Variants in ADGRE3 observed in about 807,000 individuals in gnomAD.
ADGRE3 encodes the protein EGF-like module receptor 3.
ADGRE3 carries 88 observed loss-of-function variants against 80.1 expected under a neutral mutation model. The observed-to-expected ratio is 1.10, with a 90% CI of 0.93 to 1.31. The LOEUF (loss-of-function observed/expected upper bound fraction) is 1.31. Ranked by LOEUF, ADGRE3 falls within the 40% of genes most tolerant of loss-of-function variation. ADGRE3 has a pLI of 0.00. For missense variants in ADGRE3, 715 were observed against 776.5 expected (o/e 0.92, Z 0.94); for synonymous variants, 281 against 294.8 (o/e 0.95, Z 0.48).
downstream of ADGRE3, among the ~76,000 whole-genome samples, chr19:14,616,854 G>A (rs918928755): frequency 2.0e-5 from 3 of 150,752 alleles, no homozygotes; most frequent in Admixed American, 6.6e-5. Context: ...GAGTGCAGTG[G>A]CGCAATCTCG....
In ADGRE3 at chr19:14,636,133, T is replaced by TTCCTTCCTTC. The variant is rs1555755829; in HGVS notation, c.1484+1971_1484+1972insGAAGGAAGGA. On this transcript the variant is annotated intron_variant, in intron 11 of 15. Transcript: ENST00000253673. ...TTCTTTCTTTCTTTCTTTCTTTCTTTCTTTCTTTCTTTCTTTCTTCCTTTC... is the reference window on the plus strand; with the variant it reads ...TTCTTTCTTTCTTTCTTTCTTTCTTTTCCTTCCTTCCTTTCTTTCTTTCTTTCTTCCTTTC... 1.5e-3 allele frequency among the ~76,000 whole-genome samples: 55 copies of TTCCTTCCTTC among 37,810 alleles called. 6 individuals carry two copies. The highest frequency in any genetic ancestry group is 0.012 in the South Asian group (5 of 434). The allele number at this position is 37,810 out of a possible 152,430, so 24.8% of individuals were successfully genotyped here.
intron 10 of ADGRE3, 47 bp downstream of exon 10, chr19:14,641,372 A>T: frequency 2.5e-6 from 4 of 1,607,804 alleles, no homozygotes; most frequent in Non-Finnish European, 3.4e-6. Flanking sequence ...CCATGAGCTC[A>T]GTGTACCTTG....
At chr19:14,617,374 C>CTTTTT (rs755354639), downstream of ADGRE3, among the ~76,000 whole-genome samples, 1 of 95,656 alleles carries the variant, frequency 1.0e-5, no homozygotes, top group Non-Finnish European at 2.0e-5. Flanking sequence ...TTCTTTCTTT[C>CTTTTT]TTCCTTTCTT....
chr19:14,651,228 G>C (rs746769860), intron 6 of ADGRE3, 24 bp from the exon 7 acceptor site: 3 of 1,613,690 alleles, frequency 1.9e-6, no homozygotes, highest in South Asian at 2.2e-5. Flanking sequence ...CAATGGGCAG[G>C]CTTAGTGATA....
chr19:14,654,370 C>A (rs950067788), intron 6 of ADGRE3, among the ~76,000 whole-genome samples: 87 of 151,782 alleles, frequency 5.7e-4, no homozygotes, highest in African/African-American at 2.0e-3. Context: ...CTCAAGCCAT[C>A]CTCTCCCTCA....
chr19:14,624,036 C>T (rs910290331), intron 15 of ADGRE3, among the ~76,000 whole-genome samples: 3 of 151,844 alleles, frequency 2.0e-5, no homozygotes, highest in Admixed American at 6.6e-5. Flanking sequence ...TGGGCTCAAG[C>T]GATCCTCCCA....
chr19:14,666,525 C>T (rs1162368974), intron 2 of ADGRE3, among the ~76,000 whole-genome samples: 10 of 152,036 alleles, frequency 6.6e-5, no homozygotes, highest in Non-Finnish European at 1.2e-4. Flanking sequence ...TACAGATGCA[C>T]ACCATCACAC....
intron 1 of ADGRE3, among the ~76,000 whole-genome samples, chr19:14,670,120 T>C (rs1972213037): frequency 6.6e-6 from 1 of 152,208 alleles, no homozygotes; most frequent in Non-Finnish European, 1.5e-5. Flanking sequence ...GTCAAGAATC[T>C]GGGAAGGGCT....
intron 15 of ADGRE3, among the ~76,000 whole-genome samples, chr19:14,623,285 TAA>T (rs200178108): frequency 0.21 from 9,863 of 47,334 alleles, 3,418 homozygotes; most frequent in Non-Finnish European, 0.29. Context: ...CTAAAATACT[TAA>T]AAAAAAAAAA....
At chr19:14,673,418 G>A (rs548942607) in intron 1 of ADGRE3, among the ~76,000 whole-genome samples, 34 of 152,302 alleles carry the variant, frequency 2.2e-4, no homozygotes, top group Admixed American at 7.8e-4. Context: ...AAAGATGGAT[G>A]GGATTTCATC....
At chr19:14,620,267 G>C (rs543349688) in intron 15 of ADGRE3, among the ~76,000 whole-genome samples, 1 of 151,588 alleles carries the variant, frequency 6.6e-6, no homozygotes, top group African/African-American at 2.4e-5. Flanking sequence ...GCCCAGGCAG[G>C]TCTCAAACTC....
intron 5 of ADGRE3, among the ~76,000 whole-genome samples, chr19:14,657,476 C>T (rs993677573): frequency 6.6e-5 from 10 of 152,070 alleles, no homozygotes; most frequent in Admixed American, 1.3e-4. Flanking sequence ...AACACACACA[C>T]GCTCATACAC....
chr19:14,604,183 C>T, the ADGRE3 span, among the ~76,000 whole-genome samples: 2 of 152,172 alleles, frequency 1.3e-5, no homozygotes, highest in African/African-American at 4.8e-5. Context: ...TGACACCTCC[C>T]TGGGGCTTTA....
the ADGRE3 span, among the ~76,000 whole-genome samples, chr19:14,601,785 AATTATT>A: frequency 2.0e-5 from 3 of 151,558 alleles, no homozygotes; most frequent in Non-Finnish European, 2.9e-5. Flanking sequence ...GTACCCAGCA[AATTATT>A]ATTATTATTA....
chr19:14,660,193 A>T (rs558860092), intron 4 of ADGRE3, among the ~76,000 whole-genome samples: 24 of 152,306 alleles, frequency 1.6e-4, no homozygotes, highest in Non-Finnish European at 2.1e-4. Flanking sequence ...GACGGTGCAG[A>T]CCTCTTAACA....
At chr19:14,654,181 G>A (rs1599640066) in intron 6 of ADGRE3, among the ~76,000 whole-genome samples, 1 of 151,474 alleles carries the variant, frequency 6.6e-6, no homozygotes, top group East Asian at 1.9e-4. Context: ...TCAAACTACT[G>A]GCCTCAAGTG....
intron 4 of ADGRE3, among the ~76,000 whole-genome samples, chr19:14,659,134 C>G (rs1971865076): frequency 6.6e-6 from 1 of 151,426 alleles, no homozygotes; most frequent in Admixed American, 6.6e-5. Context: ...GTCCTGGGCT[C>G]AAGCAATCCT....
chr19:14,622,173 T>TA lies in ADGRE3; in HGVS notation c.1921-2703dup, dbSNP rs1485698028. ...CCTTGAAACTTCGGATCTGTACACT[T>TA]ACAGACACCACACTCGCAGATGCCC... is the stretch of plus-strand genomic sequence containing the variant. On this transcript the variant is annotated intron_variant, in intron 15 of 15. Transcript: ENST00000253673. 1.9e-6 allele frequency: 2 copies of TA among 1,030,400 alleles called. 1 individual carries two copies. Among genetic ancestry groups the TA allele is most frequent in the African/African-American group, 4.4e-5 (2 of 44,966 alleles). 63.8% of individuals were successfully genotyped at this position (1,030,400 alleles called of 1,614,324 possible). A position where few individuals can be genotyped will look rare whatever the true frequency, so the allele number is the denominator to read the frequency against.
chr19:14,642,896 T>G (rs1294891089), intron 9 of ADGRE3, among the ~76,000 whole-genome samples: 2 of 152,198 alleles, frequency 1.3e-5, no homozygotes, highest in African/African-American at 4.8e-5. Flanking sequence ...AACATACATG[T>G]GCATGTGTCT....
Sources: gnomAD v4.1 joint callset for allele counts (sites outside exome capture counted in the v4.1 genomes callset) on GRCh38, gnomAD v4.1.1 for gene constraint, MANE v1.5 for transcripts, NCBI Gene and HGNC (gene_info 2026-07-23, HGNC 2026-07-21) for gene names.